Variants in PLCB1 observed in about 807,000 individuals in gnomAD.
The protein encoded by PLCB1 is phospholipase C beta 1.
PLCB1 carries 46 observed loss-of-function variants against 161.8 expected under a neutral mutation model. The ratio of observed to expected loss-of-function variants is 0.28; its 90% CI spans 0.22 to 0.36. PLCB1 has a LOEUF of 0.36. Ranked by LOEUF, PLCB1 falls within the 10% of genes least tolerant of loss-of-function variation. The probability of loss-of-function intolerance (pLI) is 1.00; values close to 1 mark genes in which losing one functional copy is unlikely to be tolerated. For missense variants in PLCB1, 1,016 were observed against 1,472.5 expected, an observed-to-expected ratio of 0.69 and a Z score of 5.07; for synonymous variants, 517 against 503.7, an observed-to-expected ratio of 1.03 and a Z score of -0.35.
chr20:8,833,041 A>G (rs1333079420), intron 31 of PLCB1, among the ~76,000 whole-genome samples: 1 of 152,172 alleles, frequency 6.6e-6, no homozygotes, highest in Admixed American at 6.5e-5. Flanking sequence ...CCTTGTTTGG[A>G]AAAGAGATAT....
At chr20:8,289,939 AT>A (rs1983309670) in intron 2 of PLCB1, among the ~76,000 whole-genome samples, 1 of 152,190 alleles carries the variant, frequency 6.6e-6, no homozygotes, top group South Asian at 2.1e-4. Flanking sequence ...CTCAAAGATC[AT>A]TTGATTCATC....
At chr20:8,831,948 TTC>T (rs1986021601) in intron 31 of PLCB1, among the ~76,000 whole-genome samples, 1 of 77,974 alleles carries the variant, frequency 1.3e-5, no homozygotes, top group African/African-American at 4.1e-5. Flanking sequence ...CTTTCTTTCT[TTC>T]TTTCTTTCTT....
chr20:8,283,797 T>G (rs915464774), intron 2 of PLCB1, among the ~76,000 whole-genome samples: 20 of 152,094 alleles, frequency 1.3e-4, no homozygotes, highest in African/African-American at 4.8e-4. Context: ...AATGGCCTCT[T>G]ATTGTTTTGA....
At chr20:8,718,776 A>G (rs1259783590) in intron 14 of PLCB1, among the ~76,000 whole-genome samples, 3 of 152,212 alleles carry the variant, frequency 2.0e-5, no homozygotes, top group African/African-American at 7.2e-5. Context: ...CATGTAAGCC[A>G]AATAGTCTTC....
intron 1 of PLCB1, among the ~76,000 whole-genome samples, chr20:8,138,589 G>T (rs759874918): frequency 6.6e-6 from 1 of 152,040 alleles, no homozygotes; most frequent in Non-Finnish European, 1.5e-5. Flanking sequence ...TTCCCTTTCT[G>T]TTCTATGTCT....
At chr20:8,669,592 A>C (rs6140678) in intron 9 of PLCB1, among the ~76,000 whole-genome samples, 12,141 of 152,232 alleles carry the variant, frequency 0.08, 664 homozygotes, top group East Asian at 0.17. Context: ...ACCCTTGAGT[A>C]AGACAATGAA....
At chr20:8,193,129 G>A (rs923972285) in intron 2 of PLCB1, among the ~76,000 whole-genome samples, 1 of 151,974 alleles carries the variant, frequency 6.6e-6, no homozygotes, top group Admixed American at 6.6e-5. Flanking sequence ...CACGTATTTT[G>A]TAGGAGATGC....
intron 9 of PLCB1, among the ~76,000 whole-genome samples, chr20:8,669,863 A>C (rs1298332887): frequency 6.6e-6 from 1 of 152,186 alleles, no homozygotes; most frequent in Non-Finnish European, 1.5e-5. Flanking sequence ...AGACTATGGA[A>C]GAGATGTAAA....
At chr20:8,764,585 C>G (rs532201820) in intron 25 of PLCB1, among the ~76,000 whole-genome samples, 1 of 152,326 alleles carries the variant, frequency 6.6e-6, no homozygotes, top group Non-Finnish European at 1.5e-5. Flanking sequence ...CATAACTTCT[C>G]CTTCTCTGCA....
intron 3 of PLCB1, among the ~76,000 whole-genome samples, chr20:8,572,921 G>T (rs927900678): frequency 6.6e-6 from 1 of 152,036 alleles, no homozygotes; most frequent in Non-Finnish European, 1.5e-5. Context: ...TGTAGGCTTG[G>T]GAATTATTAG....
intron 2 of PLCB1, among the ~76,000 whole-genome samples, chr20:8,260,481 G>C (rs1487084541): frequency 2.0e-5 from 3 of 152,212 alleles, no homozygotes; most frequent in African/African-American, 4.8e-5. Context: ...ACTTTAGGGA[G>C]AGTCAGGAAT....
At chr20:8,698,947 C>G (rs571582421) in intron 11 of PLCB1, among the ~76,000 whole-genome samples, 76 of 152,254 alleles carry the variant, frequency 5.0e-4, no homozygotes, top group African/African-American at 1.8e-3. Flanking sequence ...TATGGACACC[C>G]AAGCCCAAAT....
intron 31 of PLCB1, among the ~76,000 whole-genome samples, chr20:8,838,184 G>A (rs1002906851): frequency 3.3e-5 from 5 of 152,212 alleles, no homozygotes; most frequent in Non-Finnish European, 7.3e-5. Context: ...CAATGAAGGG[G>A]AGGCTGAGTC....
At chr20:8,288,629 C>T (rs1255116749) in intron 2 of PLCB1, among the ~76,000 whole-genome samples, 2 of 152,044 alleles carry the variant, frequency 1.3e-5, no homozygotes, top group African/African-American at 4.8e-5. Context: ...CATCTTCGGC[C>T]AGGGTGGTAC....
intron 3 of PLCB1, among the ~76,000 whole-genome samples, chr20:8,477,351 G>A (rs1010787084): frequency 2.6e-5 from 4 of 152,246 alleles, no homozygotes; most frequent in Admixed American, 6.5e-5. Flanking sequence ...TGTCTGCCAG[G>A]TATTAGGACC....
intron 2 of PLCB1, among the ~76,000 whole-genome samples, chr20:8,317,999 T>C (rs1984735502): frequency 2.0e-5 from 3 of 151,866 alleles, no homozygotes; most frequent in Admixed American, 2.0e-4. Flanking sequence ...CTTTTCTTTT[T>C]TTTTTTTGGA....
At chr20:8,200,904 G>T (rs1432848397) in intron 2 of PLCB1, among the ~76,000 whole-genome samples, 1 of 152,014 alleles carries the variant, frequency 6.6e-6, no homozygotes, top group Admixed American at 6.6e-5. Context: ...ATTAAGATCT[G>T]TTCCCTTTTA....
chr20:8,695,560 A>C (rs1406931376), intron 10 of PLCB1, among the ~76,000 whole-genome samples: 4 of 152,108 alleles, frequency 2.6e-5, no homozygotes, highest in Non-Finnish European at 4.4e-5. Context: ...AAATTAGTTG[A>C]GCATGCTCGT....
intron 9 of PLCB1, among the ~76,000 whole-genome samples, chr20:8,659,376 G>A (rs781404856): frequency 5.3e-5 from 8 of 152,096 alleles, no homozygotes; most frequent in East Asian, 3.9e-4. Flanking sequence ...TGGCAGCACT[G>A]TCCCTGAACA....
Sources: gnomAD v4.1 joint callset for allele counts (sites outside exome capture counted in the v4.1 genomes callset) on GRCh38, gnomAD v4.1.1 for gene constraint, MANE v1.5 for transcripts, NCBI Gene and HGNC (gene_info 2026-07-23, HGNC 2026-07-21) for gene names.